RELCH: variants seen among roughly 807,000 people sequenced by gnomAD.
The protein encoded by RELCH is RAB11 binding and LisH domain, coiled-coil and HEAT repeat containing.
Under a neutral mutation model 150.3 loss-of-function variants are expected in RELCH, and 41 were observed. That is an observed-to-expected ratio of 0.27 (90% CI 0.21 to 0.35). The LOEUF (loss-of-function observed/expected upper bound fraction) is 0.35, where lower values mean the gene tolerates loss of function less well. Among genes scored for constraint, RELCH ranks in the 10% least tolerant of loss-of-function variants. The pLI is 1.00. For missense variants in RELCH, 1,092 were observed against 1,467.8 expected (o/e 0.74, Z 4.18); for synonymous variants, 478 against 531.8 (o/e 0.90, Z 1.39).
chr18:62,211,136 A>G lies in RELCH; in HGVS notation c.527-17A>G. 5 of 1,405,842 alleles carry G rather than the reference A, an allele frequency of 3.6e-6. No individual in the cohort carries two copies. The highest frequency in any genetic ancestry group is 1.4e-5 in the African/African-American group (1 of 68,972). 87.1% of individuals were successfully genotyped at this position (1,405,842 alleles called of 1,614,324 possible). Reference sequence around the variant, plus strand: ...AACAATTAAATTAAAAAACTTTTATATTTCTCTTTATTATAGATCGAGCTG... The same window carrying G: ...AACAATTAAATTAAAAAACTTTTATGTTTCTCTTTATTATAGATCGAGCTG... On this transcript the variant is annotated splice_polypyrimidine_tract_variant and intron_variant, in intron 1 of 28. Coordinates refer to ENST00000644646, the MANE Select transcript of RELCH (RefSeq NM_001346231.2).
intron 24 of RELCH, among the ~76,000 whole-genome samples, chr18:62,281,422 T>C (rs1600223095): frequency 6.6e-6 from 1 of 152,220 alleles, no homozygotes; most frequent in South Asian, 2.1e-4. Context: ...TGGTATCCTC[T>C]TGTTGCAGAG....
rs1433323642 is a variant in RELCH, at chr18:62,244,941, A to G, written c.1733+65A>G. On this transcript the variant is annotated intron_variant, in intron 11 of 28. Coordinates refer to ENST00000644646, the MANE Select transcript of RELCH (RefSeq NM_001346231.2). ...ACTTACTGATTTTAACTAATTAGGCATCAGGATTAGCATTTGAATCTAAAA... is the reference window on the plus strand; with the variant it reads ...ACTTACTGATTTTAACTAATTAGGCGTCAGGATTAGCATTTGAATCTAAAA... 6 of 1,057,304 alleles carry G rather than the reference A, an allele frequency of 5.7e-6. 1 individual carries two copies. The highest frequency in any genetic ancestry group is 5.1e-5 in the South Asian group (4 of 78,194). The allele number at this position is 1,057,304 out of a possible 1,614,324, so 65.5% of individuals were successfully genotyped here.
intron 27 of RELCH, among the ~76,000 whole-genome samples, chr18:62,292,851 A>G (rs1049040329): frequency 4.6e-5 from 7 of 152,174 alleles, no homozygotes; most frequent in African/African-American, 1.7e-4. Flanking sequence ...CATTGAAACC[A>G]TTGTAGAATA....
chr18:62,277,671 T>C, intron 22 of RELCH: 1 of 977,382 alleles, frequency 1.0e-6, no homozygotes, highest in Non-Finnish European at 1.2e-6. Flanking sequence ...GTCACTGAAA[T>C]TCACTAATAA....
Position 62,309,920 on chromosome 18 carries a change from A to G in RELCH, c.*4386A>G, listed in dbSNP as rs1312108436. Reference sequence around the variant, plus strand: ...TCTTTTTAGGGTGTCATTTGTTGATAGTAATCTGCTTTTTATAATTTTAAC... The same window carrying G: ...TCTTTTTAGGGTGTCATTTGTTGATGGTAATCTGCTTTTTATAATTTTAAC... On this transcript the variant is annotated 3_prime_UTR_variant, in exon 29 of 29. Coordinates refer to ENST00000644646, the MANE Select transcript of RELCH (RefSeq NM_001346231.2). 1 of 152,182 alleles carries G rather than the reference A, an allele frequency of 6.6e-6. No homozygotes were observed. Among genetic ancestry groups the G allele is most frequent in the Non-Finnish European group, 1.5e-5 (1 of 68,028 alleles). The allele number at this position is 152,182 out of a possible 1,614,324, so 9.4% of individuals were successfully genotyped here. A position where few individuals can be genotyped will look rare whatever the true frequency, so the allele number is the denominator to read the frequency against.
At chr18:62,209,669 A>T (rs2040037122) in intron 1 of RELCH, among the ~76,000 whole-genome samples, 2 of 148,344 alleles carry the variant, frequency 1.3e-5, no homozygotes, top group African/African-American at 4.9e-5. Flanking sequence ...AGGCAGCTAG[A>T]ATTTTGATAG....
chr18:62,207,531 A>G (rs1455351679), intron 1 of RELCH, among the ~76,000 whole-genome samples: 1 of 152,200 alleles, frequency 6.6e-6, no homozygotes, highest in Non-Finnish European at 1.5e-5. Flanking sequence ...TTACTGTCCT[A>G]TGATAGATAA....
At chr18:62,262,514 A>G (rs551371850) in intron 16 of RELCH, among the ~76,000 whole-genome samples, 17 of 152,226 alleles carry the variant, frequency 1.1e-4, no homozygotes, top group Admixed American at 1.0e-3. Flanking sequence ...GTCCAAAGAT[A>G]CATGAAGCCA....
Position 62,211,166 on chromosome 18 carries a change from C to T in RELCH, c.540C>T (p.Ser180=). 6.3e-7 allele frequency: 1 copy of T among 1,593,654 alleles called. No homozygotes were observed. Among genetic ancestry groups the T allele is most frequent in the Non-Finnish European group, 8.6e-7 (1 of 1,162,868 alleles). ...TCTTTATTATAGATCGAGCTGGGAG[C>T]ATTAGTACCCTTGATTCTTTAGACT... ...SGGGQLNRAG[S]ISTLDSLDFA... The change falls in exon 2 of 29, where the codon AGC becomes AGT. Residue 180 remains serine (S), a synonymous_variant. Transcript: ENST00000644646.
intron 1 of RELCH, among the ~76,000 whole-genome samples, chr18:62,207,361 A>G (rs894573081): frequency 2.6e-5 from 4 of 152,220 alleles, no homozygotes; most frequent in East Asian, 1.9e-4. Flanking sequence ...ATAACATTCT[A>G]TTGTACAGAT....
rs570068768 is a variant in RELCH, at chr18:62,281,684, G to T, written c.3115-622G>T. 3.9e-5 allele frequency among the ~76,000 whole-genome samples: 6 copies of T among 152,154 alleles called. No individual in the cohort carries two copies. In the South Asian group the frequency reaches 1.2e-3, roughly 32 times the overall value. On this transcript the variant is annotated intron_variant, in intron 24 of 28. Coordinates refer to ENST00000644646, the MANE Select transcript of RELCH (RefSeq NM_001346231.2). ...TTATTTGTGGACATATTACCCAAAA[G>T]AAAAAAGTTTTAATAAAACTCCTTT...
intron 22 of RELCH, chr18:62,277,564 A>C (rs999321708): frequency 1.2e-6 from 1 of 807,690 alleles, no homozygotes; most frequent in Non-Finnish European, 1.5e-6. Context: ...CATAAAAAAA[A>C]CACATTCTTT....
intron 27 of RELCH, among the ~76,000 whole-genome samples, chr18:62,297,891 A>G (rs1444236956): frequency 6.6e-6 from 1 of 152,178 alleles, no homozygotes; most frequent in Non-Finnish European, 1.5e-5. Context: ...ATCTCCATGA[A>G]GCCTACCCTG....
At chr18:62,223,102 T>G (rs996740805) in intron 5 of RELCH, among the ~76,000 whole-genome samples, 1 of 151,382 alleles carries the variant, frequency 6.6e-6, no homozygotes, top group Non-Finnish European at 1.5e-5. Context: ...AAACCCAAAG[T>G]AAGTAGAAGA....
At chr18:62,246,608 A>G (rs1201080053) in intron 11 of RELCH, 1 of 152,236 alleles carries the variant, frequency 6.6e-6, no homozygotes, top group Non-Finnish European at 1.5e-5. Flanking sequence ...TGTTACTCTA[A>G]TATCATTTAA....
rs1331352679 is a variant in RELCH, at chr18:62,310,069, T to C, written c.*4535T>C. 2.1e-5 allele frequency: 3 copies of C among 141,556 alleles called. No homozygotes were observed. Among genetic ancestry groups the C allele is most frequent in the African/African-American group, 7.8e-5 (3 of 38,474 alleles). 8.8% of individuals were successfully genotyped at this position (141,556 alleles called of 1,614,324 possible). On this transcript the variant is annotated 3_prime_UTR_variant, in exon 29 of 29. Transcript: ENST00000644646. ...TTACAGATAATCTCTCTATAAAATG[T>C]ACATTGCTGAGTAATATAAATATAA...
chr18:62,286,946 T>G (rs1016545479), intron 25 of RELCH, among the ~76,000 whole-genome samples: 2 of 152,164 alleles, frequency 1.3e-5, no homozygotes, highest in Non-Finnish European at 2.9e-5. Context: ...AAGAATATAC[T>G]CTTTTGATTT....
intron 12 of RELCH, 85 bp from the exon 13 acceptor site, chr18:62,255,322 A>C: frequency 1.1e-6 from 1 of 929,712 alleles, no homozygotes; most frequent in South Asian, 1.3e-5. Flanking sequence ...CATTCTTAAC[A>C]GGATTTGTGG....
chr18:62,213,349 G>C (rs566289658), intron 2 of RELCH, among the ~76,000 whole-genome samples: 17 of 151,976 alleles, frequency 1.1e-4, no homozygotes, highest in African/African-American at 3.9e-4. Flanking sequence ...TAAAATTGAA[G>C]AGGTTTATTA....
Sources: gnomAD v4.1 joint callset for allele counts (sites outside exome capture counted in the v4.1 genomes callset) on GRCh38, gnomAD v4.1.1 for gene constraint, MANE v1.5 for transcripts, NCBI Gene and HGNC (gene_info 2026-07-23, HGNC 2026-07-21) for gene names.